The following RIF1 variants were observed in gnomAD, a reference collection of about 807,000 sequenced individuals.
The protein encoded by RIF1 is replication timing regulatory factor 1.
Under a neutral mutation model 247.1 loss-of-function variants are expected in RIF1, and 45 were observed. That is an observed-to-expected ratio of 0.18 (90% CI 0.14 to 0.23). RIF1 has a LOEUF of 0.23. RIF1 is among the 10% of genes least tolerant of loss of function. RIF1 has a pLI of 1.00. For synonymous variants in RIF1, 1,087 were observed against 978.8 expected (o/e 1.11, Z -2.06); for missense variants, 2,967 against 2,862.5 (o/e 1.04, Z -0.83).
Position 151,463,097 on chromosome 2 carries a change from A to G in RIF1, c.3577A>G (p.Asn1193Asp). 1 of 1,614,006 alleles carries G rather than the reference A, an allele frequency of 6.2e-7. No individual in the cohort carries two copies. The highest frequency in any genetic ancestry group is 8.5e-7 in the Non-Finnish European group (1 of 1,179,954). Reference sequence around the variant, plus strand: ...AACTGAATGTGCATCTAGTACAGAAAATTCTTTCGTTGTCAGCAGTAGTTC... The same window carrying G: ...AACTGAATGTGCATCTAGTACAGAAGATTCTTTCGTTGTCAGCAGTAGTTC... ...TSTECASSTENSFVVSSSSVS... is the reference protein window; with the variant it reads ...TSTECASSTEDSFVVSSSSVS... Residue 1193 changes from asparagine (N) to aspartate (D), a missense_variant, in exon 30 of 36, where the codon AAT (asparagine) becomes GAT (aspartate). This residue lies in a region of RIF1 where 2,028 missense variants were observed against 1,825.6 expected (regional missense o/e 1.11). Coordinates refer to ENST00000444746, the MANE Select transcript of RIF1 (RefSeq NM_018151.5).
At chr2:151,423,126 T>A in intron 8 of RIF1, 84 bp downstream of exon 8, 1 of 752,892 alleles carries the variant, frequency 1.3e-6, no homozygotes, top group Non-Finnish European at 2.3e-6. Context: ...CAGTTGATGC[T>A]CATTATTTCC....
chr2:151,533,489 G>A, the RIF1 span: 26 of 1,551,334 alleles, frequency 1.7e-5, no homozygotes, highest in Non-Finnish European at 1.9e-5. Context: ...ATATCTGGAC[G>A]CAGAATTTCA....
Position 151,461,242 on chromosome 2 carries a change from G to A in RIF1, c.3180G>A (p.Lys1060=). Residue 1060 remains lysine (K), a synonymous_variant, in exon 27 of 36, where the codon AAG becomes AAA. Transcript: ENST00000444746. ...TACCTCCAGAAGGAAAAGATGCAAAGGAAAGAATATTAACTGATCATCAAA... is the reference window on the plus strand; with the variant it reads ...TACCTCCAGAAGGAAAAGATGCAAAAGAAAGAATATTAACTGATCATCAAA... ...VFIPPEGKDA[K]ERILTDHQKE... The A allele has an allele frequency of 1.9e-6, 3 of 1,613,452 alleles. No individual in the cohort carries two copies. Among genetic ancestry groups the A allele is most frequent in the Non-Finnish European group, 2.5e-6 (3 of 1,179,808 alleles).
At chr2:151,410,149 TCTC>T in intron 1 of RIF1, 116 bp downstream of exon 1, 2 of 665,672 alleles carry the variant, frequency 3.0e-6, no homozygotes, top group South Asian at 1.6e-5. Flanking sequence ...CCTCCGCCGA[TCTC>T]CTCCCTCTGT....
At chr2:151,489,947 T>TA (rs761049503) in intron 9 of RIF1, 1 of 1,496,174 alleles carries the variant, frequency 6.7e-7, no homozygotes, top group East Asian at 2.3e-5. Flanking sequence ...AATAATTTAT[T>TA]TAAGTGAGTT....
chr2:151,424,983 C>CA (rs993508256), intron 8 of RIF1, among the ~76,000 whole-genome samples: 1 of 151,836 alleles, frequency 6.6e-6, no homozygotes, highest in African/African-American at 2.4e-5. Flanking sequence ...CAGCCAGCAC[C>CA]AAACTCTTCT....
At chr2:151,511,152 A>G (rs1191670564), downstream of RIF1, among the ~76,000 whole-genome samples, 1 of 152,264 alleles carries the variant, frequency 6.6e-6, no homozygotes, top group East Asian at 1.9e-4. Context: ...AGCAGAAGGT[A>G]AAAGGCTGGT....
chr2:151,449,084 CTAACT>C (rs1015538441), intron 20 of RIF1, among the ~76,000 whole-genome samples: 28 of 152,148 alleles, frequency 1.8e-4, no homozygotes, highest in African/African-American at 6.8e-4. Context: ...TAAAGTTAAC[CTAACT>C]TGATTATTGT....
intron 20 of RIF1, among the ~76,000 whole-genome samples, chr2:151,447,321 G>T (rs1290762852): frequency 1.3e-5 from 2 of 152,180 alleles, no homozygotes; most frequent in African/African-American, 4.8e-5. Flanking sequence ...ACCTCTTTCT[G>T]TTTACGCATG....
At chr2:151,506,966 AACTGTAATTTTTCCTTT>A (rs2069559480) in intron 13 of RIF1, 1 of 1,611,510 alleles carries the variant, frequency 6.2e-7, no homozygotes, top group African/African-American at 1.3e-5. Context: ...TGTCTTGAAC[AACTGTAATTTTTCCTTT>A]ACTGTTTTTA....
At chr2:151,503,571 A>G in intron 12 of RIF1, 2 of 588,402 alleles carry the variant, frequency 3.4e-6, no homozygotes, top group Non-Finnish European at 6.0e-6. Context: ...TTCAAGGAAC[A>G]GGGGGGAAAA....
chr2:151,518,058 G>A, the RIF1 span, among the ~76,000 whole-genome samples: 1 of 152,166 alleles, frequency 6.6e-6, no homozygotes, highest in East Asian at 1.9e-4. Context: ...TTACCATGAG[G>A]GGTTTGTCCC....
Position 151,446,947 on chromosome 2 carries a change from T to G in RIF1, c.2244+372T>G, listed in dbSNP as rs578203154. 3.8e-3 allele frequency among the ~76,000 whole-genome samples: 338 copies of G among 89,510 alleles called. 9 individuals carry two copies. In the East Asian group the frequency reaches 0.095, roughly 25 times the overall value. The allele number at this position is 89,510 out of a possible 152,430, so 58.7% of individuals were successfully genotyped here. ...AAATATAAGTCTCTTTTCTCTTTCT[T>G]TTTTTTTTTTTTTTGAGACGGAGTC... On this transcript the variant is annotated intron_variant, in intron 20 of 35. Coordinates refer to ENST00000444746, the MANE Select transcript of RIF1 (RefSeq NM_018151.5).
the RIF1 span, chr2:151,531,841 T>A: frequency 6.2e-7 from 1 of 1,613,220 alleles, no homozygotes; most frequent in South Asian, 1.1e-5. Flanking sequence ...TTCTGGAGTA[T>A]CCACAATTGA....
chr2:151,435,272 T>TA (rs1222866380), intron 10 of RIF1, among the ~76,000 whole-genome samples, 191 bp from the exon 11 acceptor site: 1 of 152,202 alleles, frequency 6.6e-6, no homozygotes, highest in Non-Finnish European at 1.5e-5. Flanking sequence ...AGGTAATACA[T>TA]ATTTAGGGCA....
intron 23 of RIF1, among the ~76,000 whole-genome samples, chr2:151,457,504 CTA>C (rs1295356358): frequency 6.6e-6 from 1 of 152,090 alleles, no homozygotes; most frequent in East Asian, 1.9e-4. Flanking sequence ...ATGTAGGTAA[CTA>C]TTTATCTTGT....
At chr2:151,423,839 A>G (rs1688562583) in intron 8 of RIF1, 1 of 152,252 alleles carries the variant, frequency 6.6e-6, no homozygotes. Context: ...CCATTTGTAA[A>G]TGAACAAGTC....
chr2:151,446,999 A>G (rs1227022580), intron 20 of RIF1, among the ~76,000 whole-genome samples: 1 of 144,690 alleles, frequency 6.9e-6, no homozygotes, highest in Non-Finnish European at 1.5e-5. Flanking sequence ...GCTGGAGTGC[A>G]GTGGCGCGAT....
At chr2:151,485,910 G>A (rs2152620437), downstream of RIF1, 2 of 1,613,810 alleles carry the variant, frequency 1.2e-6, no homozygotes, top group Non-Finnish European at 1.7e-6. Flanking sequence ...CAGCCATATA[G>A]TCATACATGG....
Sources: gnomAD v4.1 joint callset for allele counts (sites outside exome capture counted in the v4.1 genomes callset) on GRCh38, gnomAD v4.1.1 for gene constraint, gnomAD v4.1.1 regional missense constraint, MANE v1.5 for transcripts, NCBI Gene and HGNC (gene_info 2026-07-23, HGNC 2026-07-21) for gene names.